ZC4H2: variants seen among roughly 807,000 people sequenced by gnomAD.
ZC4H2 encodes the protein zinc finger C4H2 domain-containing protein.
For synonymous variants in ZC4H2, 84 were observed against 66.3 expected, an observed-to-expected ratio of 1.27 and a Z score of -1.30; for missense variants, 137 against 173.9, an observed-to-expected ratio of 0.79 and a Z score of 1.19.
At chrX:65,026,320 GA>G (rs758379287) in intron 1 of ZC4H2, among the ~76,000 whole-genome samples, 2 of 111,998 alleles carry the variant, frequency 1.8e-5, no homozygotes, top group South Asian at 3.7e-4. Flanking sequence ...CAGGCAAAGG[GA>G]AAAGAATAAG....
chrX:64,921,699 C>G (rs1338240368), intron 2 of ZC4H2, 118 bp downstream of exon 2: 1 of 805,350 alleles, frequency 1.2e-6, no homozygotes, highest in Non-Finnish European at 1.8e-6. Context: ...TCTACCACAG[C>G]CTGCACTGAT....
intron 1 of ZC4H2, among the ~76,000 whole-genome samples, chrX:64,925,436 C>A (rs760421863): frequency 3.6e-5 from 4 of 111,990 alleles, no homozygotes; most frequent in Non-Finnish European, 7.5e-5. Context: ...TTAGCTAAAG[C>A]CACATAAAAA....
chrX:64,982,511 C>G (rs761141358), intron 1 of ZC4H2, among the ~76,000 whole-genome samples: 1 of 112,356 alleles, frequency 8.9e-6, no homozygotes, highest in East Asian at 2.8e-4. Flanking sequence ...TTCTTAGAGT[C>G]ATTTGGAGAA....
In ZC4H2 at chrX:64,919,076, G is replaced by A. The variant is rs747730322; in HGVS notation, c.527C>T (p.Thr176Met). The change falls in exon 4 of 5, where the codon ACG becomes ATG. Residue 176 changes from threonine to methionine, a missense_variant. Coordinates refer to ENST00000374839, the MANE Select transcript of ZC4H2 (RefSeq NM_018684.4). ...QVARKQDTRQ[T>M]ATFRQQPPPM... ...TGGGGGCTGCTGCCTGAAGGTGGCC[G>A]TCTGCCGAGTATCCTGCTTCCTAGC... The A allele has an allele frequency of 2.4e-5, 28 of 1,177,697 alleles. No homozygotes were observed. The South Asian group carries it at 3.7e-4, about 15-fold the overall frequency.
chrX:64,936,208 A>G (rs1420800311), intron 1 of ZC4H2, among the ~76,000 whole-genome samples: 1 of 110,135 alleles, frequency 9.1e-6, no homozygotes, highest in African/African-American at 3.3e-5. Context: ...TAAAGCGTGA[A>G]GACAAGATTA....
Position 64,919,220 on chromosome X carries a change from A to T in ZC4H2, c.399-16T>A, listed in dbSNP as rs1019965067. ...CTCAAAGTAACTTTGGAGATGAGAG[A>T]CACTGGCTAGATCATTCTGAAAGCA... On this transcript the variant is annotated splice_polypyrimidine_tract_variant and intron_variant, in intron 3 of 4. Coordinates refer to ENST00000374839, the MANE Select transcript of ZC4H2 (RefSeq NM_018684.4). 7.4e-6 allele frequency: 9 copies of T among 1,208,055 alleles called. No homozygotes were observed. Among genetic ancestry groups the T allele is most frequent in the African/African-American group, 3.5e-5 (2 of 57,034 alleles).
At chrX:64,994,268 G>C (rs1159334504) in intron 1 of ZC4H2, among the ~76,000 whole-genome samples, 2 of 111,272 alleles carry the variant, frequency 1.8e-5, no homozygotes, top group African/African-American at 6.5e-5. Flanking sequence ...TAAAGCGGCA[G>C]AAACAGAGTC....
At chrX:64,980,243 C>T (rs912004187), upstream of ZC4H2, among the ~76,000 whole-genome samples, 1 of 112,183 alleles carries the variant, frequency 8.9e-6, no homozygotes, top group Non-Finnish European at 1.9e-5. Context: ...ATAGCAGATA[C>T]GACAGACATG....
chrX:65,020,037 T>C (rs951890182), intron 1 of ZC4H2, among the ~76,000 whole-genome samples: 2 of 111,555 alleles, frequency 1.8e-5, no homozygotes, highest in African/African-American at 6.5e-5. Context: ...TGGGACTATG[T>C]GAAAAGACCA....
chrX:64,928,630 C>CT (rs1451714570), intron 1 of ZC4H2, among the ~76,000 whole-genome samples: 91 of 92,009 alleles, frequency 9.9e-4, no homozygotes, highest in African/African-American at 3.4e-3. Flanking sequence ...TGCCTGCTTT[C>CT]TCCTTCTTCT....
chrX:64,939,534 A>AAACT (rs1274199667), intron 1 of ZC4H2, among the ~76,000 whole-genome samples: 1 of 112,215 alleles, frequency 8.9e-6, no homozygotes, highest in African/African-American at 3.2e-5. Flanking sequence ...ACCTGACTTC[A>AAACT]AACTATACTA....
intron 1 of ZC4H2, among the ~76,000 whole-genome samples, chrX:64,957,026 T>C (rs1931186677): frequency 8.9e-6 from 1 of 112,632 alleles, no homozygotes; most frequent in Non-Finnish European, 1.9e-5. Context: ...AGAAGGACTG[T>C]ACTTCTACAT....
intron 1 of ZC4H2, among the ~76,000 whole-genome samples, chrX:64,951,409 T>C (rs1930827027): frequency 1.8e-5 from 2 of 111,792 alleles, no homozygotes; most frequent in Admixed American, 9.5e-5. Context: ...TAGTTTACAG[T>C]CCCACCAACA....
intron 1 of ZC4H2, chrX:64,965,387 T>G: frequency 3.5e-6 from 1 of 289,309 alleles, no homozygotes; most frequent in Non-Finnish European, 6.5e-6. Context: ...TAAGGACAAG[T>G]CTTTCAAACA....
chrX:64,920,270 G>A lies in ZC4H2; in HGVS notation c.226-17C>T. On this transcript the variant is annotated splice_polypyrimidine_tract_variant and intron_variant, in intron 2 of 4. Transcript: ENST00000374839. ...GTTTTCCATCTGGAACATAGAGTGG[G>A]ATAGGCACAGAGAAAAGATCCTAAG... The A allele has an allele frequency of 8.3e-7, 1 of 1,200,435 alleles. No individual in the cohort carries two copies. The highest frequency in any genetic ancestry group is 1.1e-6 in the Non-Finnish European group (1 of 889,800).
At chrX:65,017,721 T>G (rs1333835239) in intron 1 of ZC4H2, among the ~76,000 whole-genome samples, 1 of 111,856 alleles carries the variant, frequency 8.9e-6, no homozygotes, top group Non-Finnish European at 1.9e-5. Context: ...CAAATTCAAG[T>G]CTCCCTTGGA....
intron 1 of ZC4H2, among the ~76,000 whole-genome samples, chrX:64,956,334 T>C (rs962778398): frequency 9.0e-6 from 1 of 111,534 alleles, no homozygotes; most frequent in Non-Finnish European, 1.9e-5. Context: ...GTAAGGAGCA[T>C]ACTACAAACT....
chrX:64,951,148 A>T (rs1462385138), intron 1 of ZC4H2, among the ~76,000 whole-genome samples: 5 of 112,143 alleles, frequency 4.5e-5, no homozygotes, highest in Non-Finnish European at 9.4e-5. Flanking sequence ...ATCATTTTTT[A>T]TGGCTGCATA....
intron 1 of ZC4H2, among the ~76,000 whole-genome samples, chrX:64,993,511 C>T (rs1453227204): frequency 9.0e-6 from 1 of 111,313 alleles, no homozygotes; most frequent in Non-Finnish European, 1.9e-5. Context: ...GTTCATTCCG[C>T]CTCTGCCATG....
Sources: gnomAD v4.1 joint callset for allele counts (sites outside exome capture counted in the v4.1 genomes callset) on GRCh38, gnomAD v4.1.1 for gene constraint, MANE v1.5 for transcripts, NCBI Gene and HGNC (gene_info 2026-07-23, HGNC 2026-07-21) for gene names.